The following DNAAF4 variants were observed in gnomAD, a reference collection of about 807,000 sequenced individuals.
The protein encoded by DNAAF4 is dynein assembly factor 4, axonemal.
Under a neutral mutation model 51.8 loss-of-function variants are expected in DNAAF4, and 43 were observed. The ratio of observed to expected loss-of-function variants is 0.83; its 90% CI spans 0.65 to 1.07. The LOEUF is 1.07. DNAAF4 is among the 50% of genes least tolerant of loss of function. The pLI is 0.00. For synonymous variants in DNAAF4, 194 were observed against 165.6 expected (o/e 1.17, Z -1.32); for missense variants, 581 against 493.0 (o/e 1.18, Z -1.69).
chr15:55,430,629 T>C lies in DNAAF4; in HGVS notation c.*41A>G. On this transcript the variant is annotated 3_prime_UTR_variant, in exon 10 of 10. Transcript: ENST00000321149. ...TGTACAAAGATGCCTCCAGTTGTTT[T>C]TAAAAAACTTATAACAATACTTAGT... 6.3e-7 allele frequency: 1 copy of C among 1,593,502 alleles called. No homozygotes were observed. Among genetic ancestry groups the C allele is most frequent in the Non-Finnish European group, 8.5e-7 (1 of 1,171,018 alleles).
At chr15:55,465,826 A>G (rs962384628) in intron 5 of DNAAF4, among the ~76,000 whole-genome samples, 7 of 152,042 alleles carry the variant, frequency 4.6e-5, no homozygotes, top group Non-Finnish European at 7.4e-5. Flanking sequence ...TTGTCCTCCC[A>G]AAGTGTTAGG....
rs2141594532 is a variant in DNAAF4 at position 55,494,240 on chromosome 15, G to C, written c.272-2984C>G. On this transcript the variant is annotated intron_variant, in intron 3 of 9. Transcript: ENST00000321149. ...GACGGGGTTTCTCCATGTTGGTTAG[G>C]CTGGTCTCGGACTCCCAACCTCAGA... Among the ~76,000 whole-genome samples the C allele has an allele frequency of 1.3e-5, 2 of 152,052 alleles. 1 individual carries two copies. The highest frequency in any genetic ancestry group is 4.1e-4 in the South Asian group (2 of 4,826).
rs1328352181 is a variant in DNAAF4 at position 55,498,521 on chromosome 15, G to A, written c.-192C>T. 2 of 536,026 alleles carry A rather than the reference G, an allele frequency of 3.7e-6. No individual in the cohort carries two copies. Among genetic ancestry groups the A allele is most frequent in the Non-Finnish European group, 6.0e-6 (2 of 335,402 alleles). The allele number at this position is 536,026 out of a possible 1,614,324, so 33.2% of individuals were successfully genotyped here. ...TATCCAGGCGCCCAGACCAGAGAGTGATGCCGATTCTTGGGGTTACCTTAC... is the reference window on the plus strand; with the variant it reads ...TATCCAGGCGCCCAGACCAGAGAGTAATGCCGATTCTTGGGGTTACCTTAC... On this transcript the variant is annotated 5_prime_UTR_variant, in exon 2 of 10. Transcript: ENST00000321149.
At chr15:55,463,855 T>C (rs2058130539) in intron 5 of DNAAF4, among the ~76,000 whole-genome samples, 1 of 152,136 alleles carries the variant, frequency 6.6e-6, no homozygotes, top group African/African-American at 2.4e-5. Flanking sequence ...ATGGGTAGAA[T>C]CAGTATTTTG....
At chr15:55,427,882 G>A (rs921183005), downstream of DNAAF4, among the ~76,000 whole-genome samples, 3 of 151,634 alleles carry the variant, frequency 2.0e-5, no homozygotes, top group Admixed American at 6.6e-5. Flanking sequence ...TGATCCACCC[G>A]CCTCGGCCTC....
intron 3 of DNAAF4, among the ~76,000 whole-genome samples, chr15:55,497,390 C>T (rs1014194185): frequency 1.3e-5 from 2 of 151,898 alleles, no homozygotes; most frequent in African/African-American, 4.8e-5. Context: ...AATGACCGGT[C>T]AGGAGTGTGA....
At chr15:55,421,119 G>A (rs2057384491) in intron 7 of DNAAF4, among the ~76,000 whole-genome samples, 1 of 150,208 alleles carries the variant, frequency 6.7e-6, no homozygotes, top group Admixed American at 6.7e-5. Context: ...GAACCCAGGA[G>A]GCAGAGGTTG....
chr15:55,423,171 T>TTG (rs1240291773), intron 7 of DNAAF4, among the ~76,000 whole-genome samples: 3 of 150,320 alleles, frequency 2.0e-5, no homozygotes, highest in East Asian at 2.0e-4. Context: ...GCCAAAAGTT[T>TTG]TTTTTTTTTT....
chr15:55,457,802 C>T, intron 5 of DNAAF4, among the ~76,000 whole-genome samples: 1 of 152,228 alleles, frequency 6.6e-6, no homozygotes, highest in Non-Finnish European at 1.5e-5. Flanking sequence ...GAATCCACTT[C>T]ACTCACCTGC....
chr15:55,429,520 A>G (rs2057465705), downstream of DNAAF4, among the ~76,000 whole-genome samples: 1 of 116,074 alleles, frequency 8.6e-6, no homozygotes, highest in African/African-American at 3.0e-5. Context: ...CTGTGTCTCA[A>G]GAAAAAAAAA....
At chr15:55,498,000 T>C in intron 2 of DNAAF4, 141 bp from the exon 3 acceptor site, 1 of 1,322,012 alleles carries the variant, frequency 7.6e-7, no homozygotes, top group East Asian at 2.5e-5. Flanking sequence ...GCAAGGCATA[T>C]GAGGAAGCCC....
chr15:55,432,781 A>C (rs978539787), intron 8 of DNAAF4, among the ~76,000 whole-genome samples, 179 bp from the exon 9 acceptor site: 1 of 147,478 alleles, frequency 6.8e-6, no homozygotes, highest in Non-Finnish European at 1.5e-5. Flanking sequence ...CCCCGTCTCT[A>C]CTAAAAAAAA....
intron 9 of DNAAF4, 142 bp from the exon 10 acceptor site, chr15:55,430,921 C>CTT (rs549010089): frequency 1.2e-4 from 64 of 553,316 alleles, no homozygotes; most frequent in Middle Eastern, 1.1e-3. Context: ...AGATTCCCAT[C>CTT]TTTTTTTTTT....
chr15:55,439,627 T>A (rs761101545), intron 6 of DNAAF4, 46 bp from the exon 7 acceptor site: 43 of 1,510,746 alleles, frequency 2.8e-5, no homozygotes, highest in Non-Finnish European at 3.4e-5. Context: ...GGTCTTTTTT[T>A]AATTAACATT....
rs1161018681 is a variant in DNAAF4 at position 55,430,485 on chromosome 15, TTTAC to T, written c.*181_*184del. The T allele has an allele frequency of 3.5e-6, 4 of 1,138,524 alleles. No homozygotes were observed. Among genetic ancestry groups the T allele is most frequent in the Non-Finnish European group, 4.4e-6 (4 of 909,638 alleles). 70.5% of individuals were successfully genotyped at this position (1,138,524 alleles called of 1,614,324 possible). A position where few individuals can be genotyped will look rare whatever the true frequency, so the allele number is the denominator to read the frequency against. ...GAATTAAAATAGATTCTTATTTAGA[TTTAC>T]TTATTCAGAAATGATTCAAGTCAAA... On this transcript the variant is annotated 3_prime_UTR_variant, in exon 10 of 10. Coordinates refer to ENST00000321149, the MANE Select transcript of DNAAF4 (RefSeq NM_130810.4).
At chr15:55,454,796 T>C (rs2057992219) in intron 5 of DNAAF4, among the ~76,000 whole-genome samples, 3 of 152,120 alleles carry the variant, frequency 2.0e-5, no homozygotes, top group African/African-American at 7.2e-5. Flanking sequence ...TAAATAAATA[T>C]AAAATTGAAC....
chr15:55,447,487 T>C (rs146643008), intron 6 of DNAAF4, among the ~76,000 whole-genome samples: 5,578 of 149,290 alleles, frequency 0.037, 103 homozygotes, highest in African/African-American at 0.052. Context: ...CTGGGCAACA[T>C]TGAGCATTGA....
intron 6 of DNAAF4, among the ~76,000 whole-genome samples, chr15:55,449,856 G>A (rs745434510): frequency 3.3e-5 from 5 of 151,526 alleles, no homozygotes; most frequent in Admixed American, 6.6e-5. Context: ...TCGCCACCAC[G>A]CCAGGCTAAT....
chr15:55,499,757 G>C (rs2058684076), intron 1 of DNAAF4, among the ~76,000 whole-genome samples: 2 of 152,202 alleles, frequency 1.3e-5, no homozygotes, highest in Admixed American at 6.5e-5. Context: ...CATTCCGTAA[G>C]TGCTTAAGTA....
Sources: allele counts gnomAD v4.1 joint callset (sites outside exome capture counted in the v4.1 genomes callset), GRCh38; gene constraint gnomAD v4.1.1; transcripts MANE v1.5; gene names NCBI Gene and HGNC (gene_info 2026-07-23, HGNC 2026-07-21).